MBD5: variants seen among roughly 807,000 people sequenced by gnomAD.
MBD5 encodes the protein methyl-CpG-binding domain protein 5.
MBD5 carries 13 observed loss-of-function variants against 117.3 expected under a neutral mutation model. The ratio of observed to expected loss-of-function variants is 0.11; its 90% confidence interval spans 0.07 to 0.18. The LOEUF (loss-of-function observed/expected upper bound fraction) is 0.18, where lower values mean the gene tolerates loss of function less well. MBD5 is among the 10% of genes least tolerant of loss of function. MBD5 has a pLI of 1.00. For missense variants in MBD5, 1,879 were observed against 2,093.8 expected (o/e 0.90, Z 2.00); for synonymous variants, 727 against 766.4 (o/e 0.95, Z 0.85).
chr2:148,083,984 C>T (rs1209878657), intron 1 of MBD5, among the ~76,000 whole-genome samples: 1 of 152,038 alleles, frequency 6.6e-6, no homozygotes, highest in African/African-American at 2.4e-5. Context: ...TTTTTGTACC[C>T]TTCACATTTT....
intron 1 of MBD5, among the ~76,000 whole-genome samples, chr2:148,129,059 C>T (rs566911922): frequency 6.6e-6 from 1 of 152,212 alleles, no homozygotes; most frequent in Non-Finnish European, 1.5e-5. Context: ...TTTATAAGGA[C>T]CTTTAAAATA....
intron 2 of MBD5, among the ~76,000 whole-genome samples, chr2:148,207,400 T>C (rs2105988963): frequency 6.7e-6 from 1 of 149,988 alleles, no homozygotes; most frequent in South Asian, 2.1e-4. Context: ...TATTTTATTA[T>C]TAACAAGAAA....
At chr2:148,106,737 T>C (rs1320007315) in intron 1 of MBD5, among the ~76,000 whole-genome samples, 1 of 151,992 alleles carries the variant, frequency 6.6e-6, no homozygotes, top group African/African-American at 2.4e-5. Flanking sequence ...CAAGAAATGG[T>C]ATCATGTGTA....
chr2:148,082,756 C>A lies in MBD5; in HGVS notation c.-925+61072C>A, dbSNP rs543885968. ...AAGGGGTTTTTTATTATGGAACTCT[C>A]CTGTTTATTTGCAACTCAGAAAGTA... On this transcript the variant is annotated intron_variant, in intron 1 of 13. Transcript: ENST00000642680. Among the ~76,000 whole-genome samples, 3 of 152,306 alleles carry A rather than the reference C, an allele frequency of 2.0e-5. No individual in the cohort carries two copies. In the South Asian group the frequency reaches 6.2e-4, roughly 32 times the overall value.
chr2:148,026,797 C>T (rs1387521463), intron 1 of MBD5: 2 of 152,178 alleles, frequency 1.3e-5, no homozygotes, highest in Non-Finnish European at 2.9e-5. Context: ...GTGGTGCACA[C>T]TGTAGTCCCA....
At chr2:148,105,454 A>T (rs2105321877) in intron 1 of MBD5, among the ~76,000 whole-genome samples, 1 of 152,160 alleles carries the variant, frequency 6.6e-6, no homozygotes, top group East Asian at 1.9e-4. Context: ...CCTGACCTCA[A>T]GTAATCTGCC....
chr2:148,382,437 G>A (rs1000541390), intron 4 of MBD5, among the ~76,000 whole-genome samples: 1 of 152,144 alleles, frequency 6.6e-6, no homozygotes, highest in African/African-American at 2.4e-5. Flanking sequence ...CAATACAGGA[G>A]CACCCGGATT....
intron 3 of MBD5, among the ~76,000 whole-genome samples, chr2:148,328,117 G>T (rs1194996569): frequency 1.3e-5 from 2 of 152,170 alleles, no homozygotes; most frequent in African/African-American, 4.8e-5. Flanking sequence ...GTGTCAGTCT[G>T]CCCCTGCTGG....
At position 148,132,134 on chromosome 2, in the gene MBD5, A is replaced by G. The variant is rs1291502556; in HGVS notation, c.-924-46566A>G. Among the ~76,000 whole-genome samples, 4 of 152,230 alleles carry G rather than the reference A, an allele frequency of 2.6e-5. No homozygotes were observed. In the South Asian group the frequency reaches 6.2e-4, roughly 24 times the overall value. ...TGCATAGATCTATTACAAGGCTTAA[A>G]TGAGATAATCTACTGAGTATAATGC... On this transcript the variant is annotated intron_variant, in intron 1 of 13. Coordinates refer to ENST00000642680, the MANE Select transcript of MBD5 (RefSeq NM_001378120.1).
In MBD5 at chr2:148,021,513, A is replaced by ACTGCTG; in HGVS notation, c.-1090_-1085dup. On this transcript the variant is annotated 5_prime_UTR_variant, in exon 1 of 14. Coordinates refer to ENST00000642680, the MANE Select transcript of MBD5 (RefSeq NM_001378120.1). ...TGCTGCTGCTACTGCTGCTGCTGCT[A>ACTGCTG]CTGCTGCTGCTTGGCCCTGGCTGGA... 2 of 567,594 alleles carry ACTGCTG rather than the reference A, an allele frequency of 3.5e-6. No homozygotes were observed. The highest frequency in any genetic ancestry group is 3.4e-6 in the Non-Finnish European group (1 of 297,136). 35.2% of individuals were successfully genotyped at this position (567,594 alleles called of 1,614,324 possible). A position where few individuals can be genotyped will look rare whatever the true frequency, so the allele number is the denominator to read the frequency against.
intron 2 of MBD5, among the ~76,000 whole-genome samples, chr2:148,232,503 G>A (rs763902993): frequency 4.6e-5 from 7 of 152,046 alleles, no homozygotes; most frequent in Non-Finnish European, 7.4e-5. Context: ...TCAAGAAAGC[G>A]TCTCACTGTT....
At position 148,274,383 on chromosome 2, in the gene MBD5, C is replaced by T. The variant is rs1008868823; in HGVS notation, c.-680+40988C>T. ...TCCTAATGTTATCCCTCCCCAGCCC[C>T]CCACCCCATGACAGGCCCCGGTCAC... On this transcript the variant is annotated intron_variant, in intron 3 of 13. Coordinates refer to ENST00000642680, the MANE Select transcript of MBD5 (RefSeq NM_001378120.1). Among the ~76,000 whole-genome samples the T allele has an allele frequency of 2.0e-5, 3 of 151,912 alleles. No individual in the cohort carries two copies. The South Asian group carries it at 6.3e-4, about 32-fold the overall frequency.
chr2:148,123,299 A>G (rs759926249), intron 1 of MBD5, among the ~76,000 whole-genome samples: 8 of 152,268 alleles, frequency 5.3e-5, no homozygotes, highest in Non-Finnish European at 8.8e-5. Flanking sequence ...AATGACTATG[A>G]TATGAATTGA....
In MBD5 at chr2:148,131,427, C is replaced by T. The variant is rs182232213; in HGVS notation, c.-924-47273C>T. Among the ~76,000 whole-genome samples, 179 of 152,314 alleles carry T rather than the reference C, an allele frequency of 1.2e-3. 1 individual carries two copies. Among genetic ancestry groups the T allele is most frequent in the African/African-American group, 3.9e-3 (162 of 41,568 alleles). On this transcript the variant is annotated intron_variant, in intron 1 of 13. Coordinates refer to ENST00000642680, the MANE Select transcript of MBD5 (RefSeq NM_001378120.1). ...ATAAGTTATTGGGGGAGTTTGGTGG[C>T]TCATGCCTGTAATCCTAGCACTTTG... is the stretch of plus-strand genomic sequence containing the variant.
At chr2:148,116,387 T>A (rs1308749972) in intron 1 of MBD5, among the ~76,000 whole-genome samples, 1 of 152,190 alleles carries the variant, frequency 6.6e-6, no homozygotes, top group Non-Finnish European at 1.5e-5. Context: ...TGAAATGTCC[T>A]GCCAGACCTC....
intron 1 of MBD5, among the ~76,000 whole-genome samples, chr2:148,029,995 G>C (rs1693995175): frequency 2.0e-5 from 3 of 152,296 alleles, no homozygotes; most frequent in African/African-American, 7.2e-5. Flanking sequence ...TTAGGGGCCA[G>C]GTGCGGTGGC....
At chr2:148,260,383 T>TCA (rs891933214) in intron 3 of MBD5, among the ~76,000 whole-genome samples, 6 of 152,220 alleles carry the variant, frequency 3.9e-5, no homozygotes, top group African/African-American at 1.4e-4. Flanking sequence ...AGCAATTCAG[T>TCA]CACATCTGCA....
chr2:148,263,293 G>A (rs1700775842), intron 3 of MBD5, among the ~76,000 whole-genome samples: 1 of 152,110 alleles, frequency 6.6e-6, no homozygotes, highest in South Asian at 2.1e-4. Flanking sequence ...AATACACAGT[G>A]GAGTTTTTAG....
chr2:148,255,753 AGACAG>A (rs1700575149), intron 3 of MBD5, among the ~76,000 whole-genome samples: 1 of 152,230 alleles, frequency 6.6e-6, no homozygotes, highest in Non-Finnish European at 1.5e-5. Flanking sequence ...AGCCCCACAA[AGACAG>A]GAGTGTGACA....
Sources: allele counts gnomAD v4.1 joint callset (sites outside exome capture counted in the v4.1 genomes callset), GRCh38; gene constraint gnomAD v4.1.1; transcripts MANE v1.5; gene names NCBI Gene and HGNC (gene_info 2026-07-23, HGNC 2026-07-21).